The following CDKL5 variants were observed in gnomAD, a reference collection of about 807,000 sequenced individuals.
The protein encoded by CDKL5 is cyclin dependent kinase like 5.
Under a neutral mutation model 61.7 loss-of-function variants are expected in CDKL5, and 8 were observed. The ratio of observed to expected loss-of-function variants is 0.13; its 90% CI spans 0.08 to 0.23. CDKL5 has a LOEUF of 0.23. CDKL5 is among the 10% of genes least tolerant of loss of function. The probability of loss-of-function intolerance (pLI) is 1.00; values close to 1 mark genes in which losing one functional copy is unlikely to be tolerated. For synonymous variants in CDKL5, 275 were observed against 272.3 expected (o/e 1.01, Z -0.10); for missense variants, 440 against 734.5 (o/e 0.60, Z 4.63).
intron 3 of CDKL5, 96 bp from the exon 4 acceptor site, chrX:18,564,381 T>C: frequency 1.9e-6 from 1 of 526,188 alleles, no homozygotes; most frequent in Admixed American, 2.6e-5. Flanking sequence ...TCTGGCTTCT[T>C]GCTACTCTGT....
chrX:18,580,434 C>A (rs181210175), intron 6 of CDKL5, among the ~76,000 whole-genome samples: 2 of 111,586 alleles, frequency 1.8e-5, no homozygotes, highest in African/African-American at 6.5e-5. Flanking sequence ...TTCCTTCTTA[C>A]ACCAACAATC....
chrX:18,514,277 G>A (rs1922929767), intron 3 of CDKL5, among the ~76,000 whole-genome samples: 1 of 110,640 alleles, frequency 9.0e-6, no homozygotes, highest in Non-Finnish European at 1.9e-5. Flanking sequence ...TTTTTTGACA[G>A]CTGAACAAAA....
intron 20 of CDKL5, chrX:18,650,158 G>C (rs186638908): frequency 4.6e-6 from 2 of 432,803 alleles, no homozygotes; most frequent in African/African-American, 2.4e-5. Context: ...ACTCCAGAGC[G>C]GTCTGTAGCC....
chrX:18,501,810 A>G (rs1922398709), intron 1 of CDKL5, among the ~76,000 whole-genome samples: 2 of 111,786 alleles, frequency 1.8e-5, no homozygotes, highest in South Asian at 7.4e-4. Context: ...TGGCCTCCCA[A>G]AGTGCTGGGA....
At chrX:18,532,570 T>A (rs1923685834) in intron 3 of CDKL5, among the ~76,000 whole-genome samples, 1 of 112,057 alleles carries the variant, frequency 8.9e-6, no homozygotes, top group African/African-American at 3.2e-5. Flanking sequence ...GCCAATGGTT[T>A]ATTTTCAATT....
At chrX:18,476,307 C>T (rs1921308636) in intron 1 of CDKL5, among the ~76,000 whole-genome samples, 1 of 111,323 alleles carries the variant, frequency 9.0e-6, no homozygotes, top group East Asian at 2.8e-4. Context: ...CCTTCGCCTC[C>T]TGGGCTCAGG....
intron 1 of CDKL5, among the ~76,000 whole-genome samples, chrX:18,472,943 G>A (rs1031712992): frequency 9.2e-6 from 1 of 108,256 alleles, no homozygotes; most frequent in Non-Finnish European, 1.9e-5. Flanking sequence ...TAGGGTTGGA[G>A]AATCTCTTCT....
At chrX:18,469,613 A>T (rs982250705) in intron 1 of CDKL5, among the ~76,000 whole-genome samples, 1 of 105,987 alleles carries the variant, frequency 9.4e-6, no homozygotes, top group Non-Finnish European at 1.9e-5. Context: ...GTGCCATTGC[A>T]CTCCAGCCTG....
chrX:18,450,268 G>GT (rs1220055571), intron 1 of CDKL5, among the ~76,000 whole-genome samples: 2 of 112,164 alleles, frequency 1.8e-5, no homozygotes, highest in Non-Finnish European at 3.8e-5. Context: ...TCTACTCCTG[G>GT]TTTTTTGGTT....
chrX:18,462,657 G>A (rs1932315676), intron 1 of CDKL5, among the ~76,000 whole-genome samples: 1 of 111,822 alleles, frequency 8.9e-6, no homozygotes, highest in African/African-American at 3.3e-5. Context: ...TAGGGTGAAG[G>A]AAAGGACATC....
chrX:18,634,919 GTTCA>G lies in CDKL5; in HGVS notation c.*6166_*6169del. 1 of 748,227 alleles carries G rather than the reference GTTCA, an allele frequency of 1.3e-6. No individual in the cohort carries two copies. Among genetic ancestry groups the G allele is most frequent in the Non-Finnish European group, 1.6e-6 (1 of 637,236 alleles). The allele number at this position is 748,227 out of a possible 1,213,427, so 61.7% of individuals were successfully genotyped here. A position where few individuals can be genotyped will look rare whatever the true frequency, so the allele number is the denominator to read the frequency against. ...CAGGGCAGGGTGACATTTAGACTCT[GTTCA>G]TTCTTAAAAATAGGGATAAGCCAGA... On this transcript the variant is annotated 3_prime_UTR_variant, in exon 18 of 18. Transcript: ENST00000623535.
In CDKL5 at chrX:18,604,771, C is replaced by T. The variant is rs1256704624; in HGVS notation, c.1847C>T (p.Thr616Ile). Reference protein sequence around the residue: ...QRPHRHSMYVTRDKVRAKGLD... With the variant: ...QRPHRHSMYVIRDKVRAKGLD... The stretch of plus-strand genomic sequence containing the variant: ...CCTCATAGGCATTCTATGTATGTGA[C>T]CCGTGACAAAGTGAGAGCCAAGGGC... Residue 616 changes from threonine (T) to isoleucine (I), a missense_variant, in exon 12 of 18, where the codon ACC becomes ATC. Coordinates refer to ENST00000623535, the MANE Select transcript of CDKL5 (RefSeq NM_001323289.2). 1.7e-6 allele frequency: 2 copies of T among 1,209,724 alleles called. No homozygotes were observed. The highest frequency in any genetic ancestry group is 1.1e-6 in the Non-Finnish European group (1 of 895,074).
chrX:18,613,825 C>G (rs1383376137), intron 15 of CDKL5, among the ~76,000 whole-genome samples: 1 of 111,987 alleles, frequency 8.9e-6, no homozygotes, highest in Non-Finnish European at 1.9e-5. Context: ...AATAGGGGAA[C>G]AGTCCTTTAT....
At chrX:18,569,046 A>G (rs1054770399) in intron 4 of CDKL5, among the ~76,000 whole-genome samples, 3 of 111,734 alleles carry the variant, frequency 2.7e-5, no homozygotes, top group Admixed American at 9.6e-5. Context: ...CTATCAGACA[A>G]TTTATCAGTG....
At chrX:18,583,108 G>A (rs1925533752) in intron 7 of CDKL5, among the ~76,000 whole-genome samples, 4 of 111,659 alleles carry the variant, frequency 3.6e-5, no homozygotes, top group Non-Finnish European at 5.6e-5. Context: ...TTTCCTGTCC[G>A]TGATTGTGAT....
intron 1 of CDKL5, among the ~76,000 whole-genome samples, chrX:18,495,572 T>C (rs912461965): frequency 5.4e-5 from 6 of 112,097 alleles, no homozygotes; most frequent in Admixed American, 2.8e-4. Context: ...GCATCTAGTT[T>C]AGTACAGGAT....
intron 3 of CDKL5, among the ~76,000 whole-genome samples, chrX:18,539,545 C>T (rs920026055): frequency 3.6e-5 from 4 of 111,549 alleles, no homozygotes; most frequent in Non-Finnish European, 5.7e-5. Context: ...GATATTTAAT[C>T]GGATTCCATT....
In CDKL5 at chrX:18,582,025, A is replaced by G. The variant is rs1172268424; in HGVS notation, c.463+75A>G. On this transcript the variant is annotated intron_variant, in intron 7 of 17. Transcript: ENST00000623535. ...TAACACATAGGTAGCTTTTAAAGGA[A>G]TATTAAAAGTAATTGTTATGTTTTG... 1.2e-5 allele frequency: 9 copies of G among 727,653 alleles called. No individual in the cohort carries two copies. In the Admixed American group the frequency reaches 2.2e-4, roughly 18 times the overall value. The allele number at this position is 727,653 out of a possible 1,213,427, so 60.0% of individuals were successfully genotyped here.
At chrX:18,516,695 A>G (rs966845060) in intron 3 of CDKL5, among the ~76,000 whole-genome samples, 5 of 110,778 alleles carry the variant, frequency 4.5e-5, no homozygotes, top group African/African-American at 6.6e-5. Flanking sequence ...CTTTTTATCT[A>G]TTAAAGAAAT....
Sources: gnomAD v4.1 joint callset for allele counts (sites outside exome capture counted in the v4.1 genomes callset) on GRCh38, gnomAD v4.1.1 for gene constraint, MANE v1.5 for transcripts, NCBI Gene and HGNC (gene_info 2026-07-23, HGNC 2026-07-21) for gene names.